COL4A5: variants seen among roughly 807,000 people sequenced by gnomAD.
COL4A5 encodes collagen type IV alpha 5 chain, also known as collagen alpha-5(IV) chain.
A neutral mutation model predicts 130.2 loss-of-function variants in COL4A5; 26 were observed. The observed-to-expected ratio is 0.20, with a 90% CI of 0.15 to 0.28. The LOEUF (loss-of-function observed/expected upper bound fraction) is 0.28. COL4A5 is among the 10% of genes least tolerant of loss of function. The probability of loss-of-function intolerance (pLI) is 1.00; values close to 1 mark genes in which losing one functional copy is unlikely to be tolerated. For missense variants in COL4A5, 1,131 were observed against 1,344.3 expected, an observed-to-expected ratio of 0.84 and a Z score of 2.48; for synonymous variants, 496 against 439.6, an observed-to-expected ratio of 1.13 and a Z score of -1.60.
At chrX:108,506,438 A>G (rs180828575) in intron 1 of COL4A5, among the ~76,000 whole-genome samples, 32 of 110,224 alleles carry the variant, frequency 2.9e-4, no homozygotes, top group African/African-American at 1.1e-3. Context: ...GGCACCAGGG[A>G]CAGGTTTTGT....
At chrX:108,518,976 C>G (rs754386371) in intron 1 of COL4A5, among the ~76,000 whole-genome samples, 1 of 111,645 alleles carries the variant, frequency 9.0e-6, no homozygotes, top group Admixed American at 9.5e-5. Context: ...TTGGAAAAGT[C>G]AAGAAAACGA....
chrX:108,685,312 T>C (rs2068522958), intron 47 of COL4A5, among the ~76,000 whole-genome samples: 1 of 111,688 alleles, frequency 9.0e-6, no homozygotes, highest in African/African-American at 3.3e-5. Context: ...ACAATAGGAG[T>C]CTAAGCAACT....
intron 36 of COL4A5, among the ~76,000 whole-genome samples, chrX:108,644,928 A>G (rs1474619716): frequency 9.4e-6 from 1 of 106,089 alleles, no homozygotes; most frequent in Non-Finnish European, 1.9e-5. Flanking sequence ...ACAAAAAAAA[A>G]AAAAAAAAAG....
intron 1 of COL4A5, among the ~76,000 whole-genome samples, chrX:108,447,100 A>C (rs1341272866): frequency 9.0e-6 from 1 of 110,763 alleles, no homozygotes; most frequent in East Asian, 2.8e-4. Flanking sequence ...TATGCATCTG[A>C]AATGAGAGCC....
At chrX:108,669,069 C>T (rs1027912074) in intron 41 of COL4A5, among the ~76,000 whole-genome samples, 37 of 112,184 alleles carry the variant, frequency 3.3e-4, no homozygotes, top group African/African-American at 1.2e-3. Flanking sequence ...TCTCTTCATA[C>T]CAACCTCATG....
chrX:108,658,159 T>C (rs1168862622), intron 37 of COL4A5, among the ~76,000 whole-genome samples: 2 of 111,540 alleles, frequency 1.8e-5, no homozygotes, highest in Non-Finnish European at 3.8e-5. Flanking sequence ...GGAATTTTTA[T>C]AAAGAATGGA....
At position 108,577,936 on chromosome X, in the gene COL4A5, T is replaced by C. The variant is rs1204211188; in HGVS notation, c.610-16T>C. Reference sequence around the variant, plus strand: ...TAATATAACATTTTATTTTCTCTTTTGTCTTCTCTTCTTAGGGCCCTCCTG... The same window carrying C: ...TAATATAACATTTTATTTTCTCTTTCGTCTTCTCTTCTTAGGGCCCTCCTG... On this transcript the variant is annotated splice_polypyrimidine_tract_variant and intron_variant, in intron 10 of 52. Coordinates refer to ENST00000328300, the MANE Select transcript of COL4A5 (RefSeq NM_033380.3). 8.5e-7 allele frequency: 1 copy of C among 1,177,449 alleles called. No individual in the cohort carries two copies.
chrX:108,452,904 A>C (rs1313732544), intron 1 of COL4A5, among the ~76,000 whole-genome samples: 3 of 110,847 alleles, frequency 2.7e-5, no homozygotes, highest in Non-Finnish European at 5.7e-5. Context: ...GTCTTGTGCC[A>C]GTTTTCAAAG....
chrX:108,692,988 G>T, intron 50 of COL4A5, 63 bp downstream of exon 50: 1 of 1,129,523 alleles, frequency 8.9e-7, no homozygotes, highest in Non-Finnish European at 1.2e-6. Flanking sequence ...TCAGATTTGA[G>T]TCCAAAGCTA....
chrX:108,439,886 G>C lies in COL4A5; in HGVS notation c.-240G>C, dbSNP rs1265504076. 2.4e-6 allele frequency: 1 copy of C among 415,691 alleles called. No homozygotes were observed. The highest frequency in any genetic ancestry group is 4.2e-6 in the Non-Finnish European group (1 of 239,751). 34.3% of individuals were successfully genotyped at this position (415,691 alleles called of 1,213,427 possible). ...AAAAAGTTTGCAAGTCTGGACAGAA[G>C]GGAAAAGTTCTCCTGAGAGACCGGC... is the stretch of plus-strand genomic sequence containing the variant. On this transcript the variant is annotated 5_prime_UTR_variant, in exon 1 of 53. Transcript: ENST00000328300.
At chrX:108,687,171 CAGCAATG>C (rs1195556890) in intron 48 of COL4A5, among the ~76,000 whole-genome samples, 1 of 112,228 alleles carries the variant, frequency 8.9e-6, no homozygotes, top group Non-Finnish European at 1.9e-5. Context: ...AAATGTTTTT[CAGCAATG>C]AAGCTGGCAG....
chrX:108,603,012 G>A lies in COL4A5; in HGVS notation c.2195G>A (p.Arg732Lys), dbSNP rs1214404820. 1.0e-4 allele frequency: 121 copies of A among 1,192,520 alleles called. 1 individual carries two copies. The highest frequency in any genetic ancestry group is 1.4e-4 in the Non-Finnish European group (120 of 884,764). Residue 732 changes from arginine (R) to lysine (K), a missense_variant, in exon 28 of 53, where the codon AGA becomes AAA. Coordinates refer to ENST00000328300, the MANE Select transcript of COL4A5 (RefSeq NM_033380.3). ...CCAGGAGCACCTGGGACACCTGGAA[G>A]AATTGGTCTAGAAGGCCCTCCTGGG... ...GPPGAPGTPGRIGLEGPPGPP... is the reference protein window; with the variant it reads ...GPPGAPGTPGKIGLEGPPGPP...
intron 1 of COL4A5, among the ~76,000 whole-genome samples, chrX:108,519,171 AC>A (rs1198491231): frequency 9.0e-6 from 1 of 111,233 alleles, no homozygotes; most frequent in African/African-American, 3.3e-5. Flanking sequence ...TAACAAAGAT[AC>A]CTAAAATTTT....
At chrX:108,539,499 T>C (rs1282149036) in intron 1 of COL4A5, among the ~76,000 whole-genome samples, 1 of 112,242 alleles carries the variant, frequency 8.9e-6, no homozygotes, top group Non-Finnish European at 1.9e-5. Flanking sequence ...TGTAAAATGA[T>C]ATTTTTCACT....
chrX:108,652,754 T>C (rs1040697987), intron 36 of COL4A5, among the ~76,000 whole-genome samples: 5 of 112,447 alleles, frequency 4.4e-5, no homozygotes, highest in African/African-American at 6.5e-5. Context: ...TGACTCCTTT[T>C]TCTACGTGAT....
intron 49 of COL4A5, chrX:108,689,629 T>C (rs1320813864): frequency 5.3e-6 from 4 of 752,478 alleles, no homozygotes; most frequent in Non-Finnish European, 6.3e-6. Context: ...AAGGATCACA[T>C]TGGAAGTATC....
intron 30 of COL4A5, among the ~76,000 whole-genome samples, chrX:108,617,180 A>G (rs1162711244): frequency 1.8e-5 from 2 of 111,087 alleles, no homozygotes; most frequent in African/African-American, 6.5e-5. Context: ...TACTTACATC[A>G]CCAAAATAGA....
At position 108,522,305 on chromosome X, in the gene COL4A5, G is replaced by A. The variant is rs760094473; in HGVS notation, c.82-17441G>A. On this transcript the variant is annotated intron_variant, in intron 1 of 52. Coordinates refer to ENST00000328300, the MANE Select transcript of COL4A5 (RefSeq NM_033380.3). ...CAGATTTTTGCATAGACATGTTTCT[G>A]TTTTATACCTAAGAGTGGAATTGCT... Among the ~76,000 whole-genome samples the A allele has an allele frequency of 1.0e-4, 11 of 108,580 alleles. No homozygotes were observed. The Admixed American group carries it at 1.1e-3, about 11-fold the overall frequency. 94.3% of individuals were successfully genotyped at this position (108,580 alleles called of 115,157 possible).
At chrX:108,450,507 A>T (rs2147468645) in intron 1 of COL4A5, among the ~76,000 whole-genome samples, 1 of 112,355 alleles carries the variant, frequency 8.9e-6, no homozygotes, top group African/African-American at 3.2e-5. Context: ...TTCAGGGAAA[A>T]CTACTGGCAG....
Sources: allele counts gnomAD v4.1 joint callset (sites outside exome capture counted in the v4.1 genomes callset), GRCh38; gene constraint gnomAD v4.1.1; transcripts MANE v1.5; gene names NCBI Gene and HGNC (gene_info 2026-07-23, HGNC 2026-07-21).